The following C1orf21 variants were observed in gnomAD, a reference collection of about 807,000 sequenced individuals.
The protein encoded by C1orf21 is uncharacterized protein C1orf21.
A neutral mutation model predicts 18.7 loss-of-function variants in C1orf21; 3 were observed. That is an observed-to-expected ratio of 0.16 (90% CI 0.07 to 0.42). C1orf21 has a LOEUF of 0.42. Among genes scored for constraint, C1orf21 ranks in the 10% least tolerant of loss-of-function variants. The probability of loss-of-function intolerance (pLI) is 0.99; values close to 1 mark genes in which losing one functional copy is unlikely to be tolerated. For synonymous variants in C1orf21, 41 were observed against 46.4 expected, an observed-to-expected ratio of 0.88 and a Z score of 0.47; for missense variants, 104 against 143.6, an observed-to-expected ratio of 0.72 and a Z score of 1.41.
At chr1:184,440,487 G>A (rs1274874085) in intron 1 of C1orf21, among the ~76,000 whole-genome samples, 1 of 151,448 alleles carries the variant, frequency 6.6e-6, no homozygotes, top group Non-Finnish European at 1.5e-5. Context: ...CCTGACCTCA[G>A]GTGATCCACC....
chr1:184,459,893 G>A (rs1490113041), intron 1 of C1orf21, among the ~76,000 whole-genome samples: 2 of 152,170 alleles, frequency 1.3e-5, no homozygotes, highest in Non-Finnish European at 2.9e-5. Flanking sequence ...ATCCATCCAT[G>A]CACTTTGCTT....
chr1:184,519,246 T>C (rs1171194308), intron 3 of C1orf21, among the ~76,000 whole-genome samples: 1 of 152,146 alleles, frequency 6.6e-6, no homozygotes, highest in African/African-American at 2.4e-5. Context: ...CTAAAAGTGG[T>C]TGAACAGATT....
chr1:184,600,682 A>G (rs531864290), intron 5 of C1orf21, among the ~76,000 whole-genome samples: 2 of 152,340 alleles, frequency 1.3e-5, no homozygotes, highest in Non-Finnish European at 2.9e-5. Flanking sequence ...GAGCATTGGT[A>G]GATTCAACAT....
intron 5 of C1orf21, among the ~76,000 whole-genome samples, chr1:184,615,543 G>T (rs1558015615): frequency 6.6e-6 from 1 of 152,156 alleles, no homozygotes; most frequent in Non-Finnish European, 1.5e-5. Flanking sequence ...AGGGGGAAGG[G>T]CATACTTCTG....
At chr1:184,502,529 A>G (rs948947348) in intron 2 of C1orf21, among the ~76,000 whole-genome samples, 3 of 151,962 alleles carry the variant, frequency 2.0e-5, no homozygotes, top group African/African-American at 2.4e-5. Flanking sequence ...TTGTTTATCT[A>G]TGATTTAAAT....
intron 3 of C1orf21, among the ~76,000 whole-genome samples, chr1:184,534,259 G>T (rs921008730): frequency 2.6e-5 from 4 of 152,084 alleles, no homozygotes; most frequent in Non-Finnish European, 4.4e-5. Flanking sequence ...CTGTTTAAGC[G>T]AATTTAGAAA....
rs116230219 is a variant in C1orf21, at chr1:184,541,836, G to T, written c.189+34154G>T. Among the ~76,000 whole-genome samples the T allele has an allele frequency of 7.4e-3, 1,123 of 152,310 alleles. 11 individuals are homozygous for T. Among genetic ancestry groups the T allele is most frequent in the African/African-American group, 0.023 (966 of 41,572 alleles). On this transcript the variant is annotated intron_variant, in intron 3 of 5. Transcript: ENST00000235307. The stretch of plus-strand genomic sequence containing the variant: ...AACCAGGGGGATCACGGACTGGCGT[G>T]CAGAGTTGCTCAGCTAGAAGCGTCT...
chr1:184,427,614 T>C (rs920839843), intron 1 of C1orf21, among the ~76,000 whole-genome samples: 7 of 152,166 alleles, frequency 4.6e-5, no homozygotes, highest in African/African-American at 1.7e-4. Flanking sequence ...TGTCAAATGA[T>C]GTGGTTGAAA....
chr1:184,434,599 A>G (rs908061160), intron 1 of C1orf21, among the ~76,000 whole-genome samples: 2 of 152,206 alleles, frequency 1.3e-5, no homozygotes, highest in African/African-American at 4.8e-5. Context: ...GTGCTGGGGT[A>G]GAGTGTGTGT....
At chr1:184,567,477 T>A in intron 3 of C1orf21, 1 of 539,632 alleles carries the variant, frequency 1.9e-6, no homozygotes. Context: ...GCAGAGATGC[T>A]GTATTGGATT....
chr1:184,495,433 T>C (rs540873275), intron 2 of C1orf21, among the ~76,000 whole-genome samples: 84 of 152,324 alleles, frequency 5.5e-4, no homozygotes, highest in African/African-American at 1.9e-3. Context: ...AAATGAAGCA[T>C]AGATCTCTGT....
intron 3 of C1orf21, among the ~76,000 whole-genome samples, chr1:184,532,387 G>A (rs1658476222): frequency 6.6e-6 from 1 of 152,162 alleles, no homozygotes; most frequent in Non-Finnish European, 1.5e-5. Flanking sequence ...ATTATTAGTA[G>A]TGTTATTAAG....
intron 3 of C1orf21, among the ~76,000 whole-genome samples, chr1:184,580,106 A>C (rs1293230292): frequency 3.3e-5 from 5 of 152,206 alleles, no homozygotes; most frequent in African/African-American, 1.2e-4. Flanking sequence ...CAGAAAGTCA[A>C]CAAGCAAAAT....
intron 1 of C1orf21, among the ~76,000 whole-genome samples, chr1:184,476,653 C>G (rs1200091468): frequency 6.6e-6 from 1 of 152,154 alleles, no homozygotes; most frequent in African/African-American, 2.4e-5. Context: ...TCGGTAGAAG[C>G]ATGAAGTTTA....
intron 3 of C1orf21, among the ~76,000 whole-genome samples, chr1:184,559,664 C>T (rs1658935731): frequency 7.1e-6 from 1 of 140,874 alleles, no homozygotes; most frequent in Non-Finnish European, 1.6e-5. Flanking sequence ...TTCTGTCACC[C>T]AGACTAAAGT....
At chr1:184,539,021 C>G (rs1658603229) in intron 3 of C1orf21, among the ~76,000 whole-genome samples, 1 of 152,176 alleles carries the variant, frequency 6.6e-6, no homozygotes, top group African/African-American at 2.4e-5. Flanking sequence ...CTGGCTAGAA[C>G]TTCCAGTTCC....
At chr1:184,409,459 C>T (rs1414425490) in intron 1 of C1orf21, among the ~76,000 whole-genome samples, 3 of 152,124 alleles carry the variant, frequency 2.0e-5, no homozygotes, top group African/African-American at 7.2e-5. Flanking sequence ...GGTCCTCTTT[C>T]TAGTCCTACT....
intron 1 of C1orf21, among the ~76,000 whole-genome samples, chr1:184,465,666 G>A (rs981761161): frequency 7.2e-5 from 11 of 152,124 alleles, no homozygotes; most frequent in Non-Finnish European, 1.2e-4. Context: ...TCGTATGCAG[G>A]AATGTAACCA....
At chr1:184,590,842 T>C (rs1571292604) in intron 4 of C1orf21, 27 bp downstream of exon 4, 1 of 1,581,680 alleles carries the variant, frequency 6.3e-7, no homozygotes, top group Non-Finnish European at 8.7e-7. Flanking sequence ...GTTTTCCTTA[T>C]ATAGTCGGCC....
Sources: allele counts gnomAD v4.1 joint callset (sites outside exome capture counted in the v4.1 genomes callset), GRCh38; gene constraint gnomAD v4.1.1; transcripts MANE v1.5; gene names NCBI Gene and HGNC (gene_info 2026-07-23, HGNC 2026-07-21).